Variants in TANK observed in about 807,000 individuals in gnomAD.
TANK encodes the protein TRAF family member associated NFKB activator, also known as TRAF family member-associated NF-kappa-B activator.
TANK carries 15 observed loss-of-function variants against 43.6 expected under a neutral mutation model. The ratio of observed to expected loss-of-function variants is 0.34; its 90% confidence interval spans 0.23 to 0.53. TANK has a LOEUF of 0.53. Among genes scored for constraint, TANK ranks in the 20% least tolerant of loss-of-function variants. The pLI, the probability that TANK is intolerant of heterozygous loss-of-function variation, is 0.94. For missense variants in TANK, 417 were observed against 498.6 expected, an observed-to-expected ratio of 0.84 and a Z score of 1.56; for synonymous variants, 162 against 178.2, an observed-to-expected ratio of 0.91 and a Z score of 0.73.
At chr2:161,219,649 A>ATT in intron 4 of TANK, 17 of 347,878 alleles carry the variant, frequency 4.9e-5, no homozygotes, top group Non-Finnish European at 6.9e-5. Context: ...TCTTTTTGTA[A>ATT]TTTTTTTTTT....
chr2:161,180,153 CT>C, intron 2 of TANK: 1 of 975,426 alleles, frequency 1.0e-6, no homozygotes, highest in Non-Finnish European at 1.2e-6. Flanking sequence ...GACAGGAAAA[CT>C]TTTCAAATCT....
intron 1 of TANK, among the ~76,000 whole-genome samples, chr2:161,138,732 G>T (rs1213103206): frequency 6.6e-6 from 1 of 152,100 alleles, no homozygotes; most frequent in Non-Finnish European, 1.5e-5. Context: ...AAACACTTAT[G>T]ACATTGAGTC....
intron 2 of TANK, among the ~76,000 whole-genome samples, chr2:161,199,772 G>A (rs1686321099): frequency 6.6e-6 from 1 of 152,178 alleles, no homozygotes; most frequent in Non-Finnish European, 1.5e-5. Context: ...GGCCAGGCAT[G>A]GTGGCTCATG....
At chr2:161,221,108 G>T (rs1045445274) in intron 4 of TANK, among the ~76,000 whole-genome samples, 2 of 152,126 alleles carry the variant, frequency 1.3e-5, no homozygotes, top group Non-Finnish European at 2.9e-5. Flanking sequence ...AATGGATTTA[G>T]TTGAATGACT....
intron 2 of TANK, among the ~76,000 whole-genome samples, chr2:161,193,500 G>T (rs1574015083): frequency 1.3e-5 from 2 of 152,284 alleles, no homozygotes; most frequent in Middle Eastern, 6.8e-3. Flanking sequence ...CAGGAGGATT[G>T]CTTGAGCCCA....
chr2:161,199,894 T>C (rs1049570904), intron 2 of TANK, among the ~76,000 whole-genome samples: 1 of 152,102 alleles, frequency 6.6e-6, no homozygotes, highest in African/African-American at 2.4e-5. Context: ...AATAACATAA[T>C]AATAAAATAA....
At chr2:161,179,834 A>C (rs1685340869) in intron 2 of TANK, 73 bp downstream of exon 2, 2 of 1,512,508 alleles carry the variant, frequency 1.3e-6, no homozygotes, top group Non-Finnish European at 1.8e-6. Flanking sequence ...GCATCTGAAA[A>C]ATGTTATATT....
At chr2:161,173,535 G>A (rs944614429) in intron 1 of TANK, among the ~76,000 whole-genome samples, 9 of 151,960 alleles carry the variant, frequency 5.9e-5, no homozygotes, top group Non-Finnish European at 1.2e-4. Flanking sequence ...TTTTTAGGTA[G>A]AACTGTGAAT....
upstream of TANK, chr2:161,160,133 G>T: frequency 3.0e-6 from 1 of 331,770 alleles, no homozygotes; most frequent in Non-Finnish European, 5.4e-6. Flanking sequence ...TTTATTTACC[G>T]GTTATTTATC....
At chr2:161,160,855 C>T (rs757044450) in intron 1 of TANK, 1 of 513,602 alleles carries the variant, frequency 1.9e-6, no homozygotes, top group East Asian at 5.3e-5. Context: ...ACATTCCCGA[C>T]TTCCCTTCGG....
At chr2:161,219,154 C>A (rs528628977) in intron 4 of TANK, among the ~76,000 whole-genome samples, 1 of 152,140 alleles carries the variant, frequency 6.6e-6, no homozygotes, top group Non-Finnish European at 1.5e-5. Flanking sequence ...TCATCTCATT[C>A]TACAAATTAA....
chr2:161,178,038 G>A (rs926304611), intron 1 of TANK, among the ~76,000 whole-genome samples: 2 of 152,100 alleles, frequency 1.3e-5, no homozygotes, highest in African/African-American at 4.8e-5. Context: ...TGGATGTGGA[G>A]AAATTGGAAC....
intron 1 of TANK, among the ~76,000 whole-genome samples, chr2:161,172,802 G>T (rs1685011065): frequency 1.3e-5 from 2 of 152,138 alleles, no homozygotes; most frequent in Non-Finnish European, 2.9e-5. Flanking sequence ...TGCACATCCA[G>T]TCGGCCACCA....
Position 161,184,343 on chromosome 2 carries a change from T to C in TANK, c.99+4582T>C, listed in dbSNP as rs142880022. Among the ~76,000 whole-genome samples, 923 of 152,288 alleles carry C rather than the reference T, an allele frequency of 6.1e-3. 11 individuals are homozygous for C. The highest frequency in any genetic ancestry group is 0.021 in the African/African-American group (872 of 41,570). On this transcript the variant is annotated intron_variant, in intron 2 of 7. Transcript: ENST00000392749. ...TCAACAAATATATATTAAGAACCTATTTCATACTAAGCAATGTTCTAAGAG... is the reference window on the plus strand; with the variant it reads ...TCAACAAATATATATTAAGAACCTACTTCATACTAAGCAATGTTCTAAGAG...
chr2:161,140,601 T>A (rs1213044615), intron 1 of TANK, among the ~76,000 whole-genome samples: 1 of 152,112 alleles, frequency 6.6e-6, no homozygotes, highest in Non-Finnish European at 1.5e-5. Flanking sequence ...TTTTTTAGAC[T>A]ATTTTAGTTT....
At chr2:161,200,340 G>A in intron 2 of TANK, 3 of 984,452 alleles carry the variant, frequency 3.0e-6, no homozygotes, top group Non-Finnish European at 3.6e-6. Context: ...ACAATAATCT[G>A]ACCTTGTAAA....
In TANK at chr2:161,203,693, A is replaced by G. The variant is rs941871435; in HGVS notation, c.208+98A>G. ...TATTTTATTCCTTCGTTGTTTCTCAATAGTTTTGATATTATAACTGTGGTA... is the reference window on the plus strand; with the variant it reads ...TATTTTATTCCTTCGTTGTTTCTCAGTAGTTTTGATATTATAACTGTGGTA... On this transcript the variant is annotated intron_variant, in intron 3 of 7. Coordinates refer to ENST00000392749, the MANE Select transcript of TANK (RefSeq NM_001199135.3). 40 of 691,056 alleles carry G rather than the reference A, an allele frequency of 5.8e-5. No individual in the cohort carries two copies. In the South Asian group the frequency reaches 7.2e-4, roughly 12 times the overall value. 42.8% of individuals were successfully genotyped at this position (691,056 alleles called of 1,614,324 possible).
intron 4 of TANK, chr2:161,212,368 A>T (rs572524875): frequency 4.1e-6 from 4 of 984,542 alleles, no homozygotes; most frequent in Non-Finnish European, 4.8e-6. Flanking sequence ...GCTGATACAC[A>T]AACTCTTAAG....
chr2:161,179,769 G>A lies in TANK; in HGVS notation c.99+8G>A. Reference sequence around the variant, plus strand: ...AAAGAATTACAGCAAAAGGTGTGTGGTTCTGGTTTTGAAAGTTATTCTTTA... The same window carrying A: ...AAAGAATTACAGCAAAAGGTGTGTGATTCTGGTTTTGAAAGTTATTCTTTA... On this transcript the variant is annotated splice_region_variant and intron_variant, in intron 2 of 7. Coordinates refer to ENST00000392749, the MANE Select transcript of TANK (RefSeq NM_001199135.3). 5 of 1,606,562 alleles carry A rather than the reference G, an allele frequency of 3.1e-6. No individual in the cohort carries two copies. The highest frequency in any genetic ancestry group is 2.2e-5 in the East Asian group (1 of 44,586).
Sources: allele counts gnomAD v4.1 joint callset (sites outside exome capture counted in the v4.1 genomes callset), GRCh38; gene constraint gnomAD v4.1.1; transcripts MANE v1.5; gene names NCBI Gene and HGNC (gene_info 2026-07-23, HGNC 2026-07-21).